The following SAXO1 variants were observed in gnomAD, a reference collection of about 807,000 sequenced individuals.
SAXO1 encodes stabilizer of axonemal microtubules 1, also known as 4930500O09Rik.
A neutral mutation model predicts 17.5 loss-of-function variants in SAXO1; 21 were observed. The observed-to-expected ratio is 1.20, with a 90% CI of 0.85 to 1.72. The LOEUF (loss-of-function observed/expected upper bound fraction) is 1.72. Among genes scored for constraint, SAXO1 ranks in the 40% most tolerant of loss-of-function variants. The probability of loss-of-function intolerance (pLI) is 0.00; values close to 1 mark genes in which losing one functional copy is unlikely to be tolerated. For synonymous variants in SAXO1, 274 were observed against 216.5 expected (o/e 1.27, Z -2.33); for missense variants, 843 against 596.0 (o/e 1.41, Z -4.32).
intron 1 of SAXO1, among the ~76,000 whole-genome samples, chr9:18,962,177 C>G (rs977830698): frequency 1.3e-5 from 2 of 152,184 alleles, no homozygotes; most frequent in African/African-American, 4.8e-5. Flanking sequence ...AAGTGATTCT[C>G]CTGCCTCAGC....
chr9:19,026,988 G>C, intron 1 of SAXO1: 2 of 906,800 alleles, frequency 2.2e-6, no homozygotes, highest in South Asian at 1.3e-5. Flanking sequence ...ATGGCTTCTG[G>C]ACAGTGAGAT....
chr9:19,013,540 A>ATTTTTTTTTT (rs1219136885), intron 1 of SAXO1, among the ~76,000 whole-genome samples: 2 of 93,204 alleles, frequency 2.1e-5, no homozygotes, highest in African/African-American at 4.3e-5. Context: ...AAAAGTACGG[A>ATTTTTTTTTT]TTTTTTTTTT....
intron 1 of SAXO1, among the ~76,000 whole-genome samples, chr9:19,004,488 T>C (rs1230439220): frequency 6.6e-6 from 1 of 152,190 alleles, no homozygotes; most frequent in African/African-American, 2.4e-5. Flanking sequence ...AATAATAGAC[T>C]GGATAAAGAA....
At chr9:18,948,160 T>C (rs945571983) in intron 2 of SAXO1, among the ~76,000 whole-genome samples, 6 of 152,154 alleles carry the variant, frequency 3.9e-5, no homozygotes, top group African/African-American at 1.4e-4. Flanking sequence ...TGTAAGCCTC[T>C]AGGGGAACAC....
At chr9:18,929,791 C>T (rs1190283134) in intron 3 of SAXO1, among the ~76,000 whole-genome samples, 1 of 152,128 alleles carries the variant, frequency 6.6e-6, no homozygotes, top group East Asian at 1.9e-4. Flanking sequence ...GGAATTTGTC[C>T]CAGCTCACTT....
intron 3 of SAXO1, among the ~76,000 whole-genome samples, chr9:18,934,599 C>A (rs1831207489): frequency 1.3e-5 from 2 of 152,142 alleles, no homozygotes; most frequent in African/African-American, 4.8e-5. Flanking sequence ...TCCTGTTATT[C>A]TTTGACCATA....
At chr9:19,033,505 T>G (rs535009538), upstream of SAXO1, among the ~76,000 whole-genome samples, 2 of 152,370 alleles carry the variant, frequency 1.3e-5, no homozygotes, top group South Asian at 4.1e-4. Flanking sequence ...GGATCCATGG[T>G]GCCCCCTCTT....
At chr9:18,967,567 G>A (rs1180643360) in intron 1 of SAXO1, among the ~76,000 whole-genome samples, 2 of 152,178 alleles carry the variant, frequency 1.3e-5, no homozygotes, top group African/African-American at 4.8e-5. Context: ...ACGTACTCAA[G>A]CCTCAGTAAT....
chr9:19,047,123 G>T (rs967498595), intron 1 of SAXO1, among the ~76,000 whole-genome samples: 5 of 152,322 alleles, frequency 3.3e-5, no homozygotes, highest in African/African-American at 1.2e-4. Flanking sequence ...GGAGGCGGAG[G>T]TTGCAGTAAG....
rs182233048 is a variant in SAXO1, at chr9:19,018,660, C to A, written c.38+14211G>T. On this transcript the variant is annotated intron_variant, in intron 1 of 3. Coordinates refer to ENST00000380534, the MANE Select transcript of SAXO1 (RefSeq NM_153707.4). ...TAATCAGGGGACGTTGTGGAAACAA[C>A]AGATGAAGGTTTTTAATACAGTACC... Among the ~76,000 whole-genome samples, 44 of 152,270 alleles carry A rather than the reference C, an allele frequency of 2.9e-4. No homozygotes were observed. In the East Asian group the frequency reaches 8.3e-3, roughly 29 times the overall value.
At chr9:18,977,139 C>T (rs1833184679) in intron 1 of SAXO1, among the ~76,000 whole-genome samples, 1 of 152,210 alleles carries the variant, frequency 6.6e-6, no homozygotes, top group South Asian at 2.1e-4. Context: ...CTCTTATAAA[C>T]TGGCATGAGA....
chr9:19,004,943 G>T (rs575627858), intron 1 of SAXO1, among the ~76,000 whole-genome samples: 212 of 152,256 alleles, frequency 1.4e-3, no homozygotes, highest in African/African-American at 4.9e-3. Context: ...ACCCAGGAAA[G>T]AGGTGCAGGG....
At chr9:19,005,043 A>T (rs1463562993) in intron 1 of SAXO1, among the ~76,000 whole-genome samples, 1 of 152,216 alleles carries the variant, frequency 6.6e-6, no homozygotes, top group African/African-American at 2.4e-5. Context: ...ATAATGTCAA[A>T]AAGAATGGAA....
rs746471537 is a variant in SAXO1, at chr9:18,928,727, C to T, written c.750G>A (p.Glu250=). 6.2e-7 allele frequency: 1 copy of T among 1,614,140 alleles called. No individual in the cohort carries two copies. Among genetic ancestry groups the T allele is most frequent in the Non-Finnish European group, 8.5e-7 (1 of 1,180,030 alleles). The change falls in exon 4 of 4, where the codon GAG becomes GAA. Residue 250 remains glutamate (E), a synonymous_variant. Coordinates refer to ENST00000380534, the MANE Select transcript of SAXO1 (RefSeq NM_153707.4). Reference sequence around the variant, plus strand: ...CTAGAGGTTTCAAGCTCTTGGCAGGCTCCCCCATCAGGCCCCGGTAGGATT... The same window carrying T: ...CTAGAGGTTTCAAGCTCTTGGCAGGTTCCCCCATCAGGCCCCGGTAGGATT... The part of the protein sequence containing the change: ...QKQSYRGLMG[E]PAKSLKPLAR...
rs146728527 is a variant in SAXO1 at position 18,937,763 on chromosome 9, T to A, written c.421+3874A>T. Among the ~76,000 whole-genome samples the A allele has an allele frequency of 1.3e-4, 20 of 152,298 alleles. No homozygotes were observed. The East Asian group carries it at 3.9e-3, about 29-fold the overall frequency. Reference sequence around the variant, plus strand: ...CATCTTGGAAGCAGAGAGCAGACCCTCACTGGACACCAAACCTATCAGCGC... The same window carrying A: ...CATCTTGGAAGCAGAGAGCAGACCCACACTGGACACCAAACCTATCAGCGC... On this transcript the variant is annotated intron_variant, in intron 3 of 3. Transcript: ENST00000380534.
intron 1 of SAXO1, among the ~76,000 whole-genome samples, chr9:19,045,077 G>A (rs1301640115): frequency 6.6e-5 from 10 of 151,506 alleles, no homozygotes; most frequent in Admixed American, 4.6e-4. Context: ...TTGGGAGGCC[G>A]AGGCGGGTGG....
At chr9:18,989,399 A>C (rs1833716629) in intron 1 of SAXO1, among the ~76,000 whole-genome samples, 1 of 152,182 alleles carries the variant, frequency 6.6e-6, no homozygotes, top group Non-Finnish European at 1.5e-5. Context: ...GAAATTTTTT[A>C]GGTATATTGA....
At chr9:18,951,288 C>T (rs1052758651) in intron 1 of SAXO1, among the ~76,000 whole-genome samples, 2 of 152,138 alleles carry the variant, frequency 1.3e-5, no homozygotes, top group African/African-American at 4.8e-5. Flanking sequence ...CAGGTCCTCC[C>T]CTGAGGTCTC....
intron 1 of SAXO1, among the ~76,000 whole-genome samples, chr9:18,988,659 C>T (rs1046158212): frequency 6.6e-6 from 1 of 152,148 alleles, no homozygotes; most frequent in Admixed American, 6.5e-5. Flanking sequence ...GCACTATATG[C>T]ATGCCCATTG....
Sources: gnomAD v4.1 joint callset for allele counts (sites outside exome capture counted in the v4.1 genomes callset) on GRCh38, gnomAD v4.1.1 for gene constraint, MANE v1.5 for transcripts, NCBI Gene and HGNC (gene_info 2026-07-23, HGNC 2026-07-21) for gene names.